Variants in CLIC6 observed in about 807,000 individuals in gnomAD.
CLIC6 encodes the protein chloride intracellular channel protein 6.
CLIC6 carries 39 observed loss-of-function variants against 49.2 expected under a neutral mutation model. The ratio of observed to expected loss-of-function variants is 0.79; its 90% CI spans 0.61 to 1.04. CLIC6 has a LOEUF of 1.04. Ranked by LOEUF, CLIC6 falls within the 50% of genes least tolerant of loss-of-function variation. The probability of loss-of-function intolerance (pLI) is 0.00; values close to 1 mark genes in which losing one functional copy is unlikely to be tolerated. For synonymous variants in CLIC6, 446 were observed against 433.4 expected (o/e 1.03, Z -0.36); for missense variants, 988 against 993.1 (o/e 0.99, Z 0.07).
intron 1 of CLIC6, among the ~76,000 whole-genome samples, chr21:34,679,749 T>G (rs1174384269): frequency 6.6e-6 from 1 of 152,186 alleles, no homozygotes; most frequent in African/African-American, 2.4e-5. Flanking sequence ...CACAGGGCAG[T>G]CATTAAACCT....
Position 34,670,320 on chromosome 21 carries a change from T to C in CLIC6, c.932T>C (p.Ile311Thr), listed in dbSNP as rs1274332911. ...DGSLSPQAEAIEVAAGESAGR... is the reference protein window; with the variant it reads ...DGSLSPQAEATEVAAGESAGR... ...AGCCTCTCGCCCCAGGCCGAGGCAA[T>C]TGAGGTCGCAGCCGGGGAGAGTGCG... Residue 311 changes from isoleucine to threonine, a missense_variant, in exon 1 of 6, where the codon ATT (isoleucine) becomes ACT (threonine). Physicochemically the swap from Ile to Thr is moderately conservative, Grantham distance 89. Coordinates refer to ENST00000349499, the MANE Select transcript of CLIC6 (RefSeq NM_053277.3). 15 of 1,443,802 alleles carry C rather than the reference T, an allele frequency of 1.0e-5. No individual in the cohort carries two copies. The highest frequency in any genetic ancestry group is 1.5e-5 in the South Asian group (1 of 68,272). The allele number at this position is 1,443,802 out of a possible 1,614,324, so 89.4% of individuals were successfully genotyped here. A position where few individuals can be genotyped will look rare whatever the true frequency, so the allele number is the denominator to read the frequency against.
At chr21:34,700,398 G>C (rs1990166002) in intron 1 of CLIC6, among the ~76,000 whole-genome samples, 1 of 129,198 alleles carries the variant, frequency 7.7e-6, no homozygotes, top group South Asian at 2.4e-4. Flanking sequence ...AGTGAGCCGA[G>C]ATCGCGCCAC....
Position 34,670,359 on chromosome 21 carries a change from G to C in CLIC6, c.971G>C (p.Gly324Ala), listed in dbSNP as rs1045791346. 2 of 1,452,604 alleles carry C rather than the reference G, an allele frequency of 1.4e-6. No homozygotes were observed. The highest frequency in any genetic ancestry group is 2.6e-5 in the East Asian group (1 of 38,036). The allele number at this position is 1,452,604 out of a possible 1,614,324, so 90.0% of individuals were successfully genotyped here. The change falls in exon 1 of 6, where the codon GGT becomes GCT. Residue 324 changes from glycine to alanine, a missense_variant. Physicochemically the swap from Gly to Ala is moderately conservative, Grantham distance 60. Coordinates refer to ENST00000349499, the MANE Select transcript of CLIC6 (RefSeq NM_053277.3). ...AAGESAGRSP[G>A]ELAWDAAEEA... is the part of the protein sequence containing the mutation. Reference sequence around the variant, plus strand: ...GGGGAGAGTGCGGGGCGCAGCCCCGGTGAGCTCGCCTGGGACGCAGCGGAG... The same window carrying C: ...GGGGAGAGTGCGGGGCGCAGCCCCGCTGAGCTCGCCTGGGACGCAGCGGAG...
intron 5 of CLIC6, among the ~76,000 whole-genome samples, chr21:34,714,357 T>C (rs1349291644): frequency 6.6e-6 from 1 of 152,178 alleles, no homozygotes; most frequent in Non-Finnish European, 1.5e-5. Flanking sequence ...AATTCCCTCA[T>C]TTGTCATCAT....
At chr21:34,682,801 A>ATTTTTTTT (rs1172251761) in intron 1 of CLIC6, among the ~76,000 whole-genome samples, 2 of 69,272 alleles carry the variant, frequency 2.9e-5, no homozygotes, top group Non-Finnish European at 2.4e-5. Flanking sequence ...CTTTCCCTCC[A>ATTTTTTTT]TTTTTTTTTT....
intron 1 of CLIC6, among the ~76,000 whole-genome samples, chr21:34,682,835 G>A (rs900954597): frequency 5.5e-5 from 5 of 90,176 alleles, no homozygotes; most frequent in East Asian, 3.7e-4. Flanking sequence ...TTTTTGAGAC[G>A]GAGTCTCGCT....
At chr21:34,695,183 C>CA (rs778453695) in intron 1 of CLIC6, among the ~76,000 whole-genome samples, 12 of 152,220 alleles carry the variant, frequency 7.9e-5, no homozygotes, top group Admixed American at 1.3e-4. Flanking sequence ...CTCACCTCCC[C>CA]AGCTTCTAGA....
chr21:34,708,791 A>C lies in CLIC6; in HGVS notation c.1702A>C (p.Lys568Gln). 1 of 1,612,986 alleles carries C rather than the reference A, an allele frequency of 6.2e-7. No homozygotes were observed. Among genetic ancestry groups the C allele is most frequent in the Non-Finnish European group, 8.5e-7 (1 of 1,178,924 alleles). Residue 568 changes from lysine (K) to glutamine (Q), a missense_variant, in exon 4 of 6, where the codon AAG (lysine) becomes CAG (glutamine). Coordinates refer to ENST00000349499, the MANE Select transcript of CLIC6 (RefSeq NM_053277.3). ...CTCAGCGTTTATAAAAAACACGAAG[A>C]AGGATGCAAATGAGAGTGAGTACCT... is the stretch of plus-strand genomic sequence containing the variant. ...KFSAFIKNTKKDANEIHEKNL... is the reference protein window; with the variant it reads ...KFSAFIKNTKQDANEIHEKNL...
chr21:34,684,896 T>C (rs776748359), intron 1 of CLIC6, among the ~76,000 whole-genome samples: 8 of 152,220 alleles, frequency 5.3e-5, no homozygotes, highest in Non-Finnish European at 1.0e-4. Flanking sequence ...AACACAGTGC[T>C]GATGAAGTGG....
At chr21:34,694,135 A>ATTTTTTTTTTTTTTTT (rs57210806) in intron 1 of CLIC6, among the ~76,000 whole-genome samples, 3 of 128,420 alleles carry the variant, frequency 2.3e-5, no homozygotes, top group African/African-American at 9.4e-5. Context: ...CGCCTGGTTA[A>ATTTTTTTTTTTTTTTT]TTTTTTTTTT....
In CLIC6 at chr21:34,669,841, C is replaced by A. The variant is rs566105353; in HGVS notation, c.453C>A (p.Ser151Arg). 5 of 1,406,022 alleles carry A rather than the reference C, an allele frequency of 3.6e-6. No individual in the cohort carries two copies. The East Asian group carries it at 1.2e-4, about 33-fold the overall frequency. 87.1% of individuals were successfully genotyped at this position (1,406,022 alleles called of 1,614,324 possible). ...AEQRPEVPEG[S>R]ASGEAGDSVD... ...AGAGGCCTGAGGTCCCGGAAGGTAG[C>A]GCGTCCGGGGAGGCGGGGGACAGCG... Residue 151 changes from serine (S) to arginine (R), a missense_variant, in exon 1 of 6, where the codon AGC becomes AGA. Physicochemically the swap from Ser to Arg is moderately radical, Grantham distance 110. Around this residue, in one of 3 missense-constraint regions of CLIC6, gnomAD observed 284 missense variants for 278.6 expected, o/e 1.02. Coordinates refer to ENST00000349499, the MANE Select transcript of CLIC6 (RefSeq NM_053277.3).
At chr21:34,715,512 C>G (rs1015242575) in intron 5 of CLIC6, among the ~76,000 whole-genome samples, 11 of 152,096 alleles carry the variant, frequency 7.2e-5, no homozygotes, top group African/African-American at 2.7e-4. Flanking sequence ...CTGCTGATAC[C>G]CTGATCTTGG....
rs1284000134 is a variant in CLIC6, at chr21:34,670,659, A to C, written c.1271A>C (p.Glu424Ala). The part of the protein sequence containing the change: ...SNHLAEEGPA[E>A]GSGEAARVNG... ...CACCTGGCCGAGGAGGGCCCCGCCG[A>C]GGGTAGCGGCGAGGCCGCGCGCGTG... is the stretch of plus-strand genomic sequence containing the variant. The change falls in exon 1 of 6, where the codon GAG (glutamate) becomes GCG (alanine). Residue 424 changes from glutamate (E) to alanine (A), a missense_variant. Glu to Ala is a moderately radical substitution (Grantham distance 107). This residue lies in a region of CLIC6 where 647 missense variants were observed against 596.9 expected (regional missense o/e 1.08). Coordinates refer to ENST00000349499, the MANE Select transcript of CLIC6 (RefSeq NM_053277.3). 6.4e-7 allele frequency: 1 copy of C among 1,567,476 alleles called. No homozygotes were observed.
Position 34,709,539 on chromosome 21 carries a change from G to A in CLIC6, c.1899+1G>A, listed in dbSNP as rs751559847. The stretch of plus-strand genomic sequence containing the variant: ...CTTACCCAAGCTCCATATTATTAAG[G>A]TTCATCTTCCCTCCCGACACGTGTG... On this transcript the variant is annotated splice_donor_variant, in intron 5 of 5. Transcript: ENST00000349499. LOFTEE classifies it high-confidence loss of function. 2 of 1,613,496 alleles carry A rather than the reference G, an allele frequency of 1.2e-6. No homozygotes were observed. Among genetic ancestry groups the A allele is most frequent in the Admixed American group, 1.7e-5 (1 of 59,910 alleles).
At chr21:34,702,122 C>A (rs144011512) in intron 1 of CLIC6, among the ~76,000 whole-genome samples, 1 of 152,310 alleles carries the variant, frequency 6.6e-6, no homozygotes, top group Non-Finnish European at 1.5e-5. Flanking sequence ...AGGCCCCCGT[C>A]ATTTTGTGAG....
intron 1 of CLIC6, among the ~76,000 whole-genome samples, chr21:34,694,726 A>G (rs905889206): frequency 6.6e-6 from 1 of 152,154 alleles, no homozygotes; most frequent in African/African-American, 2.4e-5. Context: ...ACCCCATCTC[A>G]GGTAGTTCTG....
At position 34,708,205 on chromosome 21, in the gene CLIC6, G is replaced by A. The variant is rs545862334; in HGVS notation, c.1610+136G>A. On this transcript the variant is annotated intron_variant, in intron 3 of 5. Coordinates refer to ENST00000349499, the MANE Select transcript of CLIC6 (RefSeq NM_053277.3). ...TGCTCACTTCCTTAATCATAACCCTGGTGTAACCAGATTAGAGTTCGGGGA... is the reference window on the plus strand; with the variant it reads ...TGCTCACTTCCTTAATCATAACCCTAGTGTAACCAGATTAGAGTTCGGGGA... 1.3e-4 allele frequency: 136 copies of A among 1,023,640 alleles called. No individual in the cohort carries two copies. In the African/African-American group the frequency reaches 2.1e-3, roughly 16 times the overall value. 63.4% of individuals were successfully genotyped at this position (1,023,640 alleles called of 1,614,324 possible).
intron 1 of CLIC6, 84 bp downstream of exon 1, chr21:34,670,846 G>A: frequency 7.0e-7 from 1 of 1,420,948 alleles, no homozygotes; most frequent in Admixed American, 2.3e-5. Context: ...GGACGCGCAG[G>A]GAGGAACCCT....
intron 1 of CLIC6, among the ~76,000 whole-genome samples, chr21:34,673,677 T>C (rs1291892637): frequency 6.6e-6 from 1 of 152,180 alleles, no homozygotes; most frequent in Non-Finnish European, 1.5e-5. Context: ...CTACCAATTA[T>C]GCTCTTTGAA....
Sources: gnomAD v4.1 joint callset for allele counts (sites outside exome capture counted in the v4.1 genomes callset) on GRCh38, gnomAD v4.1.1 for gene constraint, gnomAD v4.1.1 regional missense constraint, MANE v1.5 for transcripts, NCBI Gene and HGNC (gene_info 2026-07-23, HGNC 2026-07-21) for gene names.